The following XRCC5 variants were observed in gnomAD, a reference collection of about 807,000 sequenced individuals.
XRCC5 encodes DNA repair protein Ku80.
XRCC5 carries 12 observed loss-of-function variants against 95.7 expected under a neutral mutation model. The observed-to-expected ratio is 0.13, with a 90% confidence interval of 0.08 to 0.20. The LOEUF (loss-of-function observed/expected upper bound fraction) is 0.20, where lower values mean the gene tolerates loss of function less well. Ranked by LOEUF, XRCC5 falls within the 10% of genes least tolerant of loss-of-function variation. The pLI, the probability that XRCC5 is intolerant of heterozygous loss-of-function variation, is 1.00. For missense variants in XRCC5, 595 were observed against 873.9 expected, an observed-to-expected ratio of 0.68 and a Z score of 4.02; for synonymous variants, 281 against 290.3, an observed-to-expected ratio of 0.97 and a Z score of 0.33.
At chr2:216,170,653 A>G (rs1220293808) in intron 16 of XRCC5, among the ~76,000 whole-genome samples, 2 of 152,166 alleles carry the variant, frequency 1.3e-5, no homozygotes, top group East Asian at 3.9e-4. Flanking sequence ...TCCAAACCAT[A>G]TCATTTCAGC....
intron 16 of XRCC5, among the ~76,000 whole-genome samples, chr2:216,179,372 A>T (rs1012299029): frequency 5.3e-5 from 8 of 151,328 alleles, no homozygotes; most frequent in African/African-American, 1.9e-4. Context: ...ATCTGCAAGG[A>T]CTCTCTTTCC....
chr2:216,156,950 A>G, intron 14 of XRCC5: 2 of 312,076 alleles, frequency 6.4e-6, no homozygotes, highest in South Asian at 5.7e-5. Context: ...CGAGAGATTT[A>G]TTCCCCGTGA....
chr2:216,189,110 A>G (rs1196931701), intron 16 of XRCC5, among the ~76,000 whole-genome samples: 2 of 152,260 alleles, frequency 1.3e-5, no homozygotes, highest in African/African-American at 4.8e-5. Context: ...TAAGGAAGGC[A>G]TTGAGTAATG....
At chr2:216,182,434 C>T (rs1228551859) in intron 16 of XRCC5, among the ~76,000 whole-genome samples, 2 of 152,112 alleles carry the variant, frequency 1.3e-5, no homozygotes, top group Non-Finnish European at 2.9e-5. Context: ...TACATTTTTC[C>T]TTTCCCCTAC....
rs1479657041 is a variant in XRCC5 at position 216,116,655 on chromosome 2, C to G, written c.136-4C>G. ...GTTTTCAGCCATCTGACATTTTTTTCTAGGTGTTTGCTGAGAACAAGGATG... is the reference window on the plus strand; with the variant it reads ...GTTTTCAGCCATCTGACATTTTTTTGTAGGTGTTTGCTGAGAACAAGGATG... On this transcript the variant is annotated splice_region_variant and splice_polypyrimidine_tract_variant and intron_variant, in intron 2 of 20. Transcript: ENST00000392132. 6.2e-7 allele frequency: 1 copy of G among 1,613,882 alleles called. No homozygotes were observed. Among genetic ancestry groups the G allele is most frequent in the Non-Finnish European group, 8.5e-7 (1 of 1,179,872 alleles).
chr2:216,110,630 A>G lies in XRCC5; in HGVS notation c.21+1173A>G, dbSNP rs566440629. 78 of 152,350 alleles carry G rather than the reference A, an allele frequency of 5.1e-4. 1 individual carries two copies. Among genetic ancestry groups the G allele is most frequent in the Middle Eastern group, 3.4e-3 (1 of 294 alleles). The allele number at this position is 152,350 out of a possible 1,614,324, so 9.4% of individuals were successfully genotyped here. ...ACTGCTGCCAGATAGGAACTCAGAA[A>G]TATAGACCATTCTGCTTCCAGACAA... On this transcript the variant is annotated intron_variant, in intron 1 of 20. Coordinates refer to ENST00000392132, the MANE Select transcript of XRCC5 (RefSeq NM_021141.4).
chr2:216,171,905 C>G (rs1256052181), intron 16 of XRCC5, among the ~76,000 whole-genome samples: 1 of 152,128 alleles, frequency 6.6e-6, no homozygotes, highest in Non-Finnish European at 1.5e-5. Context: ...ATAAAATATA[C>G]TGGTAAGTAT....
At chr2:216,110,519 G>A (rs1696566841) in intron 1 of XRCC5, 1 of 152,116 alleles carries the variant, frequency 6.6e-6, no homozygotes, top group East Asian at 1.9e-4. Flanking sequence ...CAGATGAACT[G>A]GAAGTAAAAT....
At position 216,136,985 on chromosome 2, in the gene XRCC5, A is replaced by G. The variant is rs1025247553; in HGVS notation, c.1114-103A>G. 1.9e-5 allele frequency: 27 copies of G among 1,400,222 alleles called. No homozygotes were observed. The African/African-American group carries it at 3.9e-4, about 20-fold the overall frequency. The allele number at this position is 1,400,222 out of a possible 1,614,324, so 86.7% of individuals were successfully genotyped here. ...TTCAAGTCAGGGGGCACCCTAAAAAATGTAAAATAGAAAGAAAGTGATAAC... is the reference window on the plus strand; with the variant it reads ...TTCAAGTCAGGGGGCACCCTAAAAAGTGTAAAATAGAAAGAAAGTGATAAC... On this transcript the variant is annotated intron_variant, in intron 10 of 20. Transcript: ENST00000392132.
chr2:216,184,728 G>A (rs375522944), intron 16 of XRCC5, among the ~76,000 whole-genome samples: 2 of 152,180 alleles, frequency 1.3e-5, no homozygotes, highest in Non-Finnish European at 2.9e-5. Flanking sequence ...TGATCCGCCC[G>A]TCTCGGCCTC....
chr2:216,119,190 T>C (rs758348202), intron 5 of XRCC5, 25 bp downstream of exon 5: 1 of 1,612,826 alleles, frequency 6.2e-7, no homozygotes, highest in South Asian at 1.1e-5. Context: ...ATAATGCATG[T>C]AGACAAATCC....
chr2:216,189,369 T>A (rs572092257), intron 16 of XRCC5, among the ~76,000 whole-genome samples: 1 of 152,256 alleles, frequency 6.6e-6, no homozygotes, highest in African/African-American at 2.4e-5. Context: ...CACATCTCCC[T>A]GATTTGTTCT....
chr2:216,183,015 T>A (rs948995519), intron 16 of XRCC5, among the ~76,000 whole-genome samples: 2 of 152,322 alleles, frequency 1.3e-5, no homozygotes, highest in African/African-American at 4.8e-5. Context: ...GGAATATTAT[T>A]CATCAGAATA....
intron 16 of XRCC5, among the ~76,000 whole-genome samples, chr2:216,163,765 A>G (rs1477330355): frequency 2.0e-5 from 3 of 152,206 alleles, no homozygotes; most frequent in Non-Finnish European, 4.4e-5. Context: ...ACAGTCTACC[A>G]GGCTTAAATC....
intron 16 of XRCC5, among the ~76,000 whole-genome samples, chr2:216,180,415 C>T (rs563582090): frequency 3.9e-5 from 6 of 152,314 alleles, no homozygotes; most frequent in African/African-American, 1.4e-4. Flanking sequence ...CACTTGAAGC[C>T]AGGAATTCAA....
At chr2:216,109,564 G>A (rs1277798414) in intron 1 of XRCC5, 107 bp downstream of exon 1, 1 of 1,512,332 alleles carries the variant, frequency 6.6e-7, no homozygotes, top group African/African-American at 1.4e-5. Context: ...AATGGGGCAA[G>A]AGAAGATCAT....
At chr2:216,159,656 A>C (rs933678740) in intron 14 of XRCC5, among the ~76,000 whole-genome samples, 1 of 152,270 alleles carries the variant, frequency 6.6e-6, no homozygotes, top group African/African-American at 2.4e-5. Context: ...TTCTGTGTAC[A>C]TGGAAAGCTA....
At chr2:216,127,182 G>T (rs1441755938) in intron 7 of XRCC5, among the ~76,000 whole-genome samples, 1 of 152,198 alleles carries the variant, frequency 6.6e-6, no homozygotes, top group Non-Finnish European at 1.5e-5. Flanking sequence ...GGAGGTTGCA[G>T]TGAGCCAGGA....
intron 16 of XRCC5, chr2:216,175,381 G>T: frequency 2.0e-6 from 1 of 495,140 alleles, no homozygotes; most frequent in Non-Finnish European, 4.0e-6. Flanking sequence ...CCATAAAGTT[G>T]TCAGATCCAC....
Sources: allele counts gnomAD v4.1 joint callset (sites outside exome capture counted in the v4.1 genomes callset), GRCh38; gene constraint gnomAD v4.1.1; transcripts MANE v1.5; gene names NCBI Gene and HGNC (gene_info 2026-07-23, HGNC 2026-07-21).